LEPROTL1: variants seen among roughly 807,000 people sequenced by gnomAD.
The protein encoded by LEPROTL1 is leptin receptor overlapping transcript like 1, also known as leptin receptor overlapping transcript-like 1.
In LEPROTL1, 6 loss-of-function variants were observed where a neutral mutation model predicts 15.4. The ratio of observed to expected loss-of-function variants is 0.39; its 90% confidence interval spans 0.21 to 0.77. LEPROTL1 has a LOEUF of 0.77. Among genes scored for constraint, LEPROTL1 ranks in the 30% least tolerant of loss-of-function variants. LEPROTL1 has a pLI of 0.41. For missense variants in LEPROTL1, 128 were observed against 158.1 expected (o/e 0.81, Z 1.02); for synonymous variants, 56 against 52.6 (o/e 1.06, Z -0.28).
At chr8:30,096,259 A>G in intron 1 of LEPROTL1, 1 of 960,408 alleles carries the variant, frequency 1.0e-6, no homozygotes, top group Admixed American at 6.2e-5. Context: ...CTACTGGCTT[A>G]TTCATGTATT....
downstream of LEPROTL1, among the ~76,000 whole-genome samples, chr8:30,112,104 C>A (rs1325374111): frequency 6.6e-6 from 1 of 152,162 alleles, no homozygotes. Context: ...AAATAAAAAT[C>A]AAGGTTCTGG....
intron 3 of LEPROTL1, chr8:30,104,803 C>T (rs534239339): frequency 5.8e-6 from 1 of 171,076 alleles, no homozygotes; most frequent in East Asian, 1.6e-4. Context: ...AGCTCTGCCT[C>T]CCGGGTTCAC....
At chr8:30,132,253 A>G in intron 3 of LEPROTL1, 1 of 1,551,814 alleles carries the variant, frequency 6.4e-7, no homozygotes, top group Non-Finnish European at 8.7e-7. Context: ...CCAGGCAGAG[A>G]AGGCAAATGT....
At chr8:30,103,111 C>CA (rs976224536) in intron 2 of LEPROTL1, among the ~76,000 whole-genome samples, 1 of 151,040 alleles carries the variant, frequency 6.6e-6, no homozygotes, top group African/African-American at 2.4e-5. Flanking sequence ...TTATAAGAGC[C>CA]AAAAAAAATT....
chr8:30,105,806 C>G lies in LEPROTL1; in HGVS notation c.340C>G (p.Leu114Val), dbSNP rs1802555565. Residue 114 changes from leucine to valine, a missense_variant, in exon 4 of 4, where the codon CTA (leucine) becomes GTA (valine). Transcript: ENST00000321250. ...AAACACAGTCATCTTTGCAACTATA[C>G]TAGGCTTTTTCTTGGTCTTTGGAAG... is the stretch of plus-strand genomic sequence containing the variant. ...TGNTVIFATILGFFLVFGSND... is the reference protein window; with the variant it reads ...TGNTVIFATIVGFFLVFGSND... 1 of 1,578,828 alleles carries G rather than the reference C, an allele frequency of 6.3e-7. No homozygotes were observed. The highest frequency in any genetic ancestry group is 1.4e-5 in the African/African-American group (1 of 72,268).
chr8:30,106,935 G>A lies in LEPROTL1; in HGVS notation c.*1073G>A, dbSNP rs183952511. On this transcript the variant is annotated 3_prime_UTR_variant, in exon 4 of 4. Transcript: ENST00000321250. ...TTACCTGGAAAATAATTGCTATGCCGTACATTCAGAGTGCCCCCTCCCCTG... is the reference window on the plus strand; with the variant it reads ...TTACCTGGAAAATAATTGCTATGCCATACATTCAGAGTGCCCCCTCCCCTG... The A allele has an allele frequency of 3.8e-4, 370 of 985,292 alleles. No individual in the cohort carries two copies. The highest frequency in any genetic ancestry group is 2.6e-3 in the Middle Eastern group (5 of 1,914). 61.0% of individuals were successfully genotyped at this position (985,292 alleles called of 1,614,324 possible).
chr8:30,099,599 T>TAAAAAAAAAAA (rs71204264), intron 1 of LEPROTL1, among the ~76,000 whole-genome samples: 1 of 112,474 alleles, frequency 8.9e-6, no homozygotes. Context: ...AGACTCCATT[T>TAAAAAAAAAAA]AAAAAAAAAA....
exon 5 of LEPROTL1, chr8:30,137,444 G>A: frequency 6.4e-7 from 1 of 1,551,714 alleles, no homozygotes; most frequent in Non-Finnish European, 8.7e-7. Flanking sequence ...TCACTTCTGG[G>A]CAGGCCTGCT....
intron 4 of LEPROTL1, chr8:30,132,509 C>A (rs1175283896): frequency 6.4e-7 from 1 of 1,551,756 alleles, no homozygotes; most frequent in Non-Finnish European, 8.7e-7. Flanking sequence ...AAAAGCCCAG[C>A]TGTGGTCCAC....
intron 1 of LEPROTL1, among the ~76,000 whole-genome samples, chr8:30,100,183 G>T (rs1370886129): frequency 6.6e-6 from 1 of 151,740 alleles, no homozygotes; most frequent in East Asian, 2.0e-4. Context: ...AAGCCACTAT[G>T]TCATGGGGTG....
Position 30,105,846 on chromosome 8 carries a change from G to C in LEPROTL1, c.380G>C (p.Ser127Thr). The C allele has an allele frequency of 6.5e-7, 1 of 1,549,764 alleles. No homozygotes were observed. Among genetic ancestry groups the C allele is most frequent in the Non-Finnish European group, 8.7e-7 (1 of 1,152,086 alleles). Residue 127 changes from serine (S) to threonine (T), a missense_variant, in exon 4 of 4, where the codon AGC becomes ACC. By Grantham distance (58) the Ser-to-Thr change is moderately conservative. Transcript: ENST00000321250. ...FLVFGSNDDFSWQQW is the reference protein window; with the variant it reads ...FLVFGSNDDFTWQQW ...GTCTTTGGAAGCAATGACGACTTCAGCTGGCAGCAGTGGTGAAAAGAAATT... is the reference window on the plus strand; with the variant it reads ...GTCTTTGGAAGCAATGACGACTTCACCTGGCAGCAGTGGTGAAAAGAAATT...
At chr8:30,112,401 A>ATTTTTTTTT (rs10684450), downstream of LEPROTL1, among the ~76,000 whole-genome samples, 1,377 of 27,884 alleles carry the variant, frequency 0.049, 292 homozygotes, top group Non-Finnish European at 0.075. Flanking sequence ...TGCCCAGCTA[A>ATTTTTTTTT]TTTTTTTTTT....
intron 3 of LEPROTL1, among the ~76,000 whole-genome samples, chr8:30,114,095 CA>C (rs143312406): frequency 6.6e-6 from 1 of 152,232 alleles, no homozygotes; most frequent in African/African-American, 2.4e-5. Context: ...TCTGTTTTAT[CA>C]CAAAGATGGA....
Position 30,106,855 on chromosome 8 carries a change from A to G in LEPROTL1, c.*993A>G, listed in dbSNP as rs1390959888. 2.0e-6 allele frequency: 2 copies of G among 984,090 alleles called. No individual in the cohort carries two copies. The highest frequency in any genetic ancestry group is 1.7e-5 in the African/African-American group (1 of 57,172). 61.0% of individuals were successfully genotyped at this position (984,090 alleles called of 1,614,324 possible). On this transcript the variant is annotated 3_prime_UTR_variant, in exon 4 of 4. Transcript: ENST00000321250. ...TTTTGACTTATTTGGTATGTTGTAT[A>G]TATTACATAAAATAACTTTTCAAAT...
At chr8:30,102,270 T>C (rs1483217066) in intron 2 of LEPROTL1, among the ~76,000 whole-genome samples, 1 of 152,020 alleles carries the variant, frequency 6.6e-6, no homozygotes, top group African/African-American at 2.4e-5. Context: ...TTGATAATAC[T>C]AATTACAAGA....
intron 3 of LEPROTL1, among the ~76,000 whole-genome samples, chr8:30,113,559 A>G (rs1802687407): frequency 6.6e-6 from 1 of 152,156 alleles, no homozygotes; most frequent in African/African-American, 2.4e-5. Flanking sequence ...GGGGTGTGGC[A>G]GGGGAGCAGC....
At chr8:30,100,455 A>G (rs1163965674) in intron 1 of LEPROTL1, among the ~76,000 whole-genome samples, 1 of 152,092 alleles carries the variant, frequency 6.6e-6, no homozygotes, top group Non-Finnish European at 1.5e-5. Context: ...TTACTTATTT[A>G]TTTATTTTTT....
chr8:30,132,027 G>A, intron 3 of LEPROTL1: 1 of 1,551,906 alleles, frequency 6.4e-7, no homozygotes, highest in Non-Finnish European at 8.7e-7. Flanking sequence ...ACGAATTACA[G>A]AGCAACCAGA....
chr8:30,130,328 A>G (rs1052300215), intron 3 of LEPROTL1, among the ~76,000 whole-genome samples: 2 of 152,178 alleles, frequency 1.3e-5, no homozygotes, highest in Non-Finnish European at 2.9e-5. Context: ...CACCAAACCC[A>G]ATTTTCATCA....
Sources: allele counts gnomAD v4.1 joint callset (sites outside exome capture counted in the v4.1 genomes callset), GRCh38; gene constraint gnomAD v4.1.1; transcripts MANE v1.5; gene names NCBI Gene and HGNC (gene_info 2026-07-23, HGNC 2026-07-21).